Variants in OCA2 observed in about 807,000 individuals in gnomAD.
The protein encoded by OCA2 is OCA2 melanosomal transmembrane protein.
A neutral mutation model predicts 100.2 loss-of-function variants in OCA2; 77 were observed. The ratio of observed to expected loss-of-function variants is 0.77; its 90% CI spans 0.64 to 0.93. The LOEUF (loss-of-function observed/expected upper bound fraction) is 0.93. Among genes scored for constraint, OCA2 ranks in the 40% least tolerant of loss-of-function variants. OCA2 has a pLI of 0.00. For synonymous variants in OCA2, 432 were observed against 439.2 expected, an observed-to-expected ratio of 0.98 and a Z score of 0.21; for missense variants, 1,062 against 1,089.1, an observed-to-expected ratio of 0.98 and a Z score of 0.35.
chr15:27,812,782 C>T (rs746367414), intron 23 of OCA2, among the ~76,000 whole-genome samples: 1 of 152,180 alleles, frequency 6.6e-6, no homozygotes, highest in Non-Finnish European at 1.5e-5. Flanking sequence ...TGCACATTAA[C>T]AGGATCTGTC....
chr15:28,023,693 C>T (rs1326983746), intron 5 of OCA2, among the ~76,000 whole-genome samples: 4 of 152,200 alleles, frequency 2.6e-5, no homozygotes, highest in Non-Finnish European at 5.9e-5. Context: ...ACTGCCCATG[C>T]ACACCATCTT....
chr15:27,769,265 G>T (rs925976655), intron 23 of OCA2, among the ~76,000 whole-genome samples: 3 of 152,182 alleles, frequency 2.0e-5, no homozygotes, highest in African/African-American at 7.2e-5. Context: ...CACAAATCAC[G>T]ATGCACACGT....
chr15:28,058,537 A>G (rs72712683), intron 2 of OCA2, among the ~76,000 whole-genome samples: 14,826 of 151,292 alleles, frequency 0.098, 878 homozygotes, highest in African/African-American at 0.16. Context: ...TCCACTGCTC[A>G]TTTTCTGGAC....
chr15:28,002,343 A>AC (rs1171477968), intron 9 of OCA2, among the ~76,000 whole-genome samples: 2 of 152,094 alleles, frequency 1.3e-5, no homozygotes, highest in African/African-American at 4.8e-5. Flanking sequence ...GCATGGTCTG[A>AC]CCCCATGGGG....
At chr15:28,027,211 C>G (rs921532912) in intron 4 of OCA2, among the ~76,000 whole-genome samples, 1 of 152,218 alleles carries the variant, frequency 6.6e-6, no homozygotes, top group Non-Finnish European at 1.5e-5. Context: ...CATGCGCGCC[C>G]TAGGCCTACA....
chr15:27,970,337 G>A (rs1595739018), intron 14 of OCA2, among the ~76,000 whole-genome samples: 1 of 152,166 alleles, frequency 6.6e-6, no homozygotes, highest in African/African-American at 2.4e-5. Context: ...GGGCCAGAGA[G>A]GCAGAGCAGG....
At chr15:27,924,049 G>T (rs1395497728) in intron 19 of OCA2, among the ~76,000 whole-genome samples, 2 of 152,138 alleles carry the variant, frequency 1.3e-5, no homozygotes, top group East Asian at 1.9e-4. Context: ...GTATAAGGAA[G>T]GGGTCCGATT....
the OCA2 span, among the ~76,000 whole-genome samples, chr15:27,723,661 T>C: frequency 6.6e-6 from 1 of 152,122 alleles, no homozygotes; most frequent in Non-Finnish European, 1.5e-5. Flanking sequence ...CATTCACATT[T>C]TCCTCTTTGC....
At position 27,898,333 on chromosome 15, in the gene OCA2, G is replaced by C. The variant is rs531180933; in HGVS notation, c.2080-26411C>G. 4.6e-5 allele frequency among the ~76,000 whole-genome samples: 7 copies of C among 152,338 alleles called. No homozygotes were observed. In the East Asian group the frequency reaches 1.2e-3, roughly 25 times the overall value. ...CTCCCACAATTCCCACAAGTCATGG[G>C]AGGAACACAGTGGGAGGTGATTAAA... On this transcript the variant is annotated intron_variant, in intron 19 of 23. Coordinates refer to ENST00000354638, the MANE Select transcript of OCA2 (RefSeq NM_000275.3).
chr15:28,082,305 A>G (rs2044665128), intron 1 of OCA2, among the ~76,000 whole-genome samples: 1 of 151,910 alleles, frequency 6.6e-6, no homozygotes, highest in Non-Finnish European at 1.5e-5. Context: ...AACACGCTGG[A>G]CTCCCCTACT....
chr15:28,093,022 A>G (rs2044896847), intron 1 of OCA2, among the ~76,000 whole-genome samples: 1 of 152,168 alleles, frequency 6.6e-6, no homozygotes, highest in African/African-American at 2.4e-5. Flanking sequence ...ATGGGCAAAG[A>G]TTTCACTAAG....
chr15:27,993,496 G>A (rs1350161948), intron 9 of OCA2, among the ~76,000 whole-genome samples: 1 of 152,162 alleles, frequency 6.6e-6, no homozygotes, highest in African/African-American at 2.4e-5. Context: ...CCTCAGCTCT[G>A]GAGGAGGTCC....
chr15:27,873,430 T>C (rs2036665190), intron 19 of OCA2, among the ~76,000 whole-genome samples: 1 of 152,266 alleles, frequency 6.6e-6, no homozygotes, highest in South Asian at 2.1e-4. Flanking sequence ...ATCCAAATTT[T>C]ATTAAATAAC....
At chr15:27,987,455 C>T (rs977724177) in intron 11 of OCA2, among the ~76,000 whole-genome samples, 1 of 151,950 alleles carries the variant, frequency 6.6e-6, no homozygotes, top group Non-Finnish European at 1.5e-5. Flanking sequence ...TGTGGTGGCT[C>T]ACGCCTGTAA....
intron 23 of OCA2, among the ~76,000 whole-genome samples, chr15:27,758,261 T>C (rs1339704412): frequency 6.6e-6 from 1 of 151,956 alleles, no homozygotes; most frequent in Non-Finnish European, 1.5e-5. Context: ...AGAAGCCTGC[T>C]CTCCCTAGCC....
At chr15:27,877,272 C>G (rs56236646) in intron 19 of OCA2, among the ~76,000 whole-genome samples, 1 of 151,054 alleles carries the variant, frequency 6.6e-6, no homozygotes, top group Middle Eastern at 3.2e-3. Flanking sequence ...GTGAATTGAC[C>G]GTGCACGCAT....
chr15:27,854,443 C>T (rs2035880352), intron 21 of OCA2, among the ~76,000 whole-genome samples: 1 of 152,164 alleles, frequency 6.6e-6, no homozygotes, highest in Non-Finnish European at 1.5e-5. Context: ...TCACAAGGGG[C>T]ATGTTGAACA....
intron 11 of OCA2, 97 bp downstream of exon 11, chr15:27,989,504 G>C: frequency 1.0e-6 from 1 of 963,808 alleles, no homozygotes; most frequent in South Asian, 1.3e-5. Context: ...TAGGCGCTGT[G>C]TCTTTAACAT....
At chr15:28,045,398 G>A (rs1411758897) in intron 2 of OCA2, among the ~76,000 whole-genome samples, 2 of 152,168 alleles carry the variant, frequency 1.3e-5, no homozygotes, top group African/African-American at 4.8e-5. Context: ...TCTCTCCTCA[G>A]CCTTTGTATC....
Sources: gnomAD v4.1 joint callset for allele counts (sites outside exome capture counted in the v4.1 genomes callset) on GRCh38, gnomAD v4.1.1 for gene constraint, MANE v1.5 for transcripts, NCBI Gene and HGNC (gene_info 2026-07-23, HGNC 2026-07-21) for gene names.